AFF3: variants seen among roughly 807,000 people sequenced by gnomAD.
The protein encoded by AFF3 is AF4/FMR2 family member 3.
A neutral mutation model predicts 129.7 loss-of-function variants in AFF3; 32 were observed. The ratio of observed to expected loss-of-function variants is 0.25; its 90% CI spans 0.19 to 0.33. AFF3 has a LOEUF of 0.33. AFF3 is among the 10% of genes least tolerant of loss of function. The probability of loss-of-function intolerance (pLI) is 1.00; values close to 1 mark genes in which losing one functional copy is unlikely to be tolerated. For missense variants in AFF3, 1,373 were observed against 1,592.0 expected (o/e 0.86, Z 2.34); for synonymous variants, 644 against 635.4 (o/e 1.01, Z -0.20).
chr2:99,547,600 T>C lies in AFF3; in HGVS notation c.*3874A>G, dbSNP rs1674125844. On this transcript the variant is annotated 3_prime_UTR_variant, in exon 25 of 25. Transcript: ENST00000672756. ...ATATGCTACTGCACAGTTTCAAAGA[T>C]GTGATTCATAAATAATGTTGGCTGC... 1 of 207,288 alleles carries C rather than the reference T, an allele frequency of 4.8e-6. No homozygotes were observed. The highest frequency in any genetic ancestry group is 2.3e-5 in the African/African-American group (1 of 43,878). 12.8% of individuals were successfully genotyped at this position (207,288 alleles called of 1,614,324 possible).
intron 7 of AFF3, among the ~76,000 whole-genome samples, chr2:99,963,648 A>G (rs961845222): frequency 6.6e-6 from 1 of 152,068 alleles, no homozygotes; most frequent in Non-Finnish European, 1.5e-5. Context: ...CCCAAAAACA[A>G]AAATCACTGA....
chr2:100,067,045 A>G (rs1329604515), intron 4 of AFF3, among the ~76,000 whole-genome samples: 2 of 152,198 alleles, frequency 1.3e-5, no homozygotes, highest in Admixed American at 1.3e-4. Context: ...CTCCAGGGTT[A>G]TGCCCTGAAG....
intron 14 of AFF3, among the ~76,000 whole-genome samples, chr2:99,597,384 G>C (rs1180873897): frequency 6.6e-6 from 1 of 152,136 alleles, no homozygotes; most frequent in Admixed American, 6.5e-5. Flanking sequence ...TTTGATGTTC[G>C]TATTTGTTTC....
chr2:99,939,350 G>A (rs1674812998), intron 7 of AFF3, among the ~76,000 whole-genome samples: 1 of 152,160 alleles, frequency 6.6e-6, no homozygotes. Context: ...ATAAACTTGG[G>A]TAACATTTAA....
Position 99,593,636 on chromosome 2 carries a change from G to A in AFF3, c.2025C>T (p.Ser675=). 1 of 1,609,802 alleles carries A rather than the reference G, an allele frequency of 6.2e-7. No homozygotes were observed. The highest frequency in any genetic ancestry group is 8.5e-7 in the Non-Finnish European group (1 of 1,177,638). ...FIETESSSSS[S]SSDSDLESEQ... is the part of the protein sequence containing the mutation. ...CGGACTCCAGGTCGGAGTCCGAGGA[G>A]GAGGATGAAGATGACGACTCTGTCT... The change falls in exon 15 of 25, where the codon TCC becomes TCT. Residue 675 remains serine (S), a synonymous_variant. Coordinates refer to ENST00000672756, the MANE Select transcript of AFF3 (RefSeq NM_001386135.1).
intron 4 of AFF3, among the ~76,000 whole-genome samples, chr2:100,084,942 T>C (rs79086359): frequency 0.14 from 21,353 of 149,382 alleles, 1,846 homozygotes; most frequent in East Asian, 0.28. Context: ...TTTTCATTGG[T>C]TGTCCATAGT....
At chr2:99,636,585 G>A (rs572406443) in intron 13 of AFF3, among the ~76,000 whole-genome samples, 92 of 152,344 alleles carry the variant, frequency 6.0e-4, no homozygotes, top group African/African-American at 1.6e-3. Context: ...GAGGAAGTCT[G>A]TTCAGAATTT....
intron 7 of AFF3, among the ~76,000 whole-genome samples, chr2:99,950,026 C>A (rs1002655969): frequency 1.3e-5 from 2 of 152,190 alleles, no homozygotes; most frequent in African/African-American, 2.4e-5. Flanking sequence ...TGAAATCACT[C>A]TACTCTTCTA....
chr2:99,583,490 C>T (rs1165879324), intron 16 of AFF3, among the ~76,000 whole-genome samples: 2 of 151,248 alleles, frequency 1.3e-5, no homozygotes, highest in Non-Finnish European at 2.9e-5. Flanking sequence ...TCAGGCAATC[C>T]TCCCACTTCA....
intron 4 of AFF3, among the ~76,000 whole-genome samples, chr2:100,074,821 C>G (rs1280651230): frequency 2.0e-5 from 3 of 152,156 alleles, no homozygotes; most frequent in African/African-American, 7.2e-5. Context: ...TTATTTATGC[C>G]AATAACACAA....
chr2:99,985,975 C>A (rs926890279), intron 7 of AFF3, among the ~76,000 whole-genome samples: 7 of 151,976 alleles, frequency 4.6e-5, no homozygotes, highest in East Asian at 1.9e-4. Flanking sequence ...CCGAGGTGGG[C>A]GGATCACGAG....
chr2:100,139,180 A>G (rs1692758832), intron 1 of AFF3, among the ~76,000 whole-genome samples: 1 of 152,202 alleles, frequency 6.6e-6, no homozygotes, highest in South Asian at 2.1e-4. Context: ...TTCAATTTTC[A>G]GGATGGGGAA....
chr2:99,656,748 T>A (rs778894009), intron 12 of AFF3, among the ~76,000 whole-genome samples: 4 of 152,202 alleles, frequency 2.6e-5, no homozygotes, highest in Non-Finnish European at 4.4e-5. Flanking sequence ...TTCAACCCGT[T>A]TAGTAATATC....
rs1691339968 is a variant in AFF3, at chr2:100,107,166, T to C, written c.-144-1583A>G. 14 of 985,412 alleles carry C rather than the reference T, an allele frequency of 1.4e-5. No individual in the cohort carries two copies. The South Asian group carries it at 3.8e-4, about 26-fold the overall frequency. The allele number at this position is 985,412 out of a possible 1,614,324, so 61.0% of individuals were successfully genotyped here. On this transcript the variant is annotated intron_variant, in intron 2 of 24. Coordinates refer to ENST00000672756, the MANE Select transcript of AFF3 (RefSeq NM_001386135.1). ...ATAGTGTCTTGGAGAATGAGGACTT[T>C]TGAGGAAACCCAAATAGTAGTTGCA...
At chr2:99,955,849 T>C (rs942816009) in intron 7 of AFF3, among the ~76,000 whole-genome samples, 18 of 152,208 alleles carry the variant, frequency 1.2e-4, no homozygotes, top group Non-Finnish European at 2.5e-4. Context: ...TTTGGCCTTT[T>C]TCTAGCATAT....
At chr2:99,950,160 G>C (rs1431769897) in intron 7 of AFF3, among the ~76,000 whole-genome samples, 1 of 152,162 alleles carries the variant, frequency 6.6e-6, no homozygotes, top group African/African-American at 2.4e-5. Context: ...TTACGTACAT[G>C]TGCCACTGCA....
intron 7 of AFF3, among the ~76,000 whole-genome samples, chr2:99,869,077 G>C (rs1317033047): frequency 4.6e-5 from 7 of 152,028 alleles, no homozygotes; most frequent in Non-Finnish European, 1.0e-4. Context: ...GATTACAGGT[G>C]TGAGCCACCG....
chr2:99,860,774 T>C (rs1690927941), intron 7 of AFF3, among the ~76,000 whole-genome samples: 2 of 152,002 alleles, frequency 1.3e-5, no homozygotes, highest in African/African-American at 2.4e-5. Flanking sequence ...TGTATATAAT[T>C]CAAGGTATAC....
At chr2:99,879,051 C>T (rs552503774) in intron 7 of AFF3, among the ~76,000 whole-genome samples, 1 of 152,126 alleles carries the variant, frequency 6.6e-6, no homozygotes, top group South Asian at 2.1e-4. Context: ...CAGGAATCTG[C>T]GGGTAAGAAG....
Sources: allele counts gnomAD v4.1 joint callset (sites outside exome capture counted in the v4.1 genomes callset), GRCh38; gene constraint gnomAD v4.1.1; transcripts MANE v1.5; gene names NCBI Gene and HGNC (gene_info 2026-07-23, HGNC 2026-07-21).